Variants in APTX observed in about 807,000 individuals in gnomAD.
APTX encodes forkhead-associated domain histidine triad-like protein.
In APTX, 33 loss-of-function variants were observed where a neutral mutation model predicts 42.3. That is an observed-to-expected ratio of 0.78 (90% CI 0.59 to 1.04). The LOEUF (loss-of-function observed/expected upper bound fraction) is 1.04. Ranked by LOEUF, APTX falls within the 50% of genes least tolerant of loss-of-function variation. APTX has a pLI of 0.00. For synonymous variants in APTX, 130 were observed against 146.7 expected (o/e 0.89, Z 0.82); for missense variants, 421 against 415.1 (o/e 1.01, Z -0.12).
chr9:33,000,639 AAAAAAAAAG>A (rs1436295379), intron 1 of APTX, among the ~76,000 whole-genome samples: 4 of 142,034 alleles, frequency 2.8e-5, no homozygotes, highest in African/African-American at 9.9e-5. Flanking sequence ...AAAAAAAAAA[AAAAAAAAAG>A]AAAAGAAAAG....
chr9:33,001,665 G>T, upstream of APTX: 1 of 1,603,202 alleles, frequency 6.2e-7, no homozygotes, highest in Non-Finnish European at 8.5e-7. Context: ...ATCGCGACCA[G>T]TGACGTCACC....
At position 32,976,177 on chromosome 9, in the gene APTX, A is replaced by G. The variant is rs1480395285; in HGVS notation, c.771-1616T>C. Among the ~76,000 whole-genome samples the G allele has an allele frequency of 9.8e-5, 14 of 142,178 alleles. No homozygotes were observed. In the Admixed American group the frequency reaches 1.0e-3, roughly 10 times the overall value. 93.3% of individuals were successfully genotyped at this position (142,178 alleles called of 152,430 possible). A position where few individuals can be genotyped will look rare whatever the true frequency, so the allele number is the denominator to read the frequency against. Reference sequence around the variant, plus strand: ...CTCACTCATAGGTGGGAACTAAACAATGAGATCACTTGGACACAGGGCAGG... The same window carrying G: ...CTCACTCATAGGTGGGAACTAAACAGTGAGATCACTTGGACACAGGGCAGG... On this transcript the variant is annotated intron_variant, in intron 6 of 7. Coordinates refer to ENST00000379817, the MANE Select transcript of APTX (RefSeq NM_001195248.2).
At chr9:32,990,774 T>C (rs1459045338) in intron 1 of APTX, among the ~76,000 whole-genome samples, 1 of 152,170 alleles carries the variant, frequency 6.6e-6, no homozygotes, top group Non-Finnish European at 1.5e-5. Context: ...GCCAGAGAAC[T>C]AAGGACATAA....
upstream of APTX, among the ~76,000 whole-genome samples, chr9:33,002,506 C>T (rs906343173): frequency 2.0e-5 from 3 of 152,100 alleles, no homozygotes; most frequent in South Asian, 4.1e-4. Context: ...ATTACCTTGG[C>T]CTGTCTCCAG....
chr9:32,998,119 G>A lies in APTX; in HGVS notation c.-5+3448C>T, dbSNP rs1835392238. On this transcript the variant is annotated intron_variant, in intron 1 of 7. Transcript: ENST00000379817. ...GAGTTAAGTCCAGGAAAGACACTGAGTTCAGTTTCAGTCATCTGAATTTGA... is the reference window on the plus strand; with the variant it reads ...GAGTTAAGTCCAGGAAAGACACTGAATTCAGTTTCAGTCATCTGAATTTGA... 2.0e-5 allele frequency among the ~76,000 whole-genome samples: 3 copies of A among 152,188 alleles called. No individual in the cohort carries two copies. In the South Asian group the frequency reaches 6.2e-4, roughly 32 times the overall value.
intron 1 of APTX, chr9:33,019,751 G>A: frequency 1.7e-6 from 1 of 589,342 alleles, no homozygotes; most frequent in Non-Finnish European, 2.9e-6. Flanking sequence ...CACCACCAGA[G>A]AAAGATGGTC....
Position 32,973,322 on chromosome 9 carries a change from A to C in APTX, c.*176T>G, listed in dbSNP as rs1445079164. 2.6e-6 allele frequency: 2 copies of C among 781,946 alleles called. No individual in the cohort carries two copies. The highest frequency in any genetic ancestry group is 4.3e-6 in the Non-Finnish European group (2 of 462,456). The allele number at this position is 781,946 out of a possible 1,614,324, so 48.4% of individuals were successfully genotyped here. A position where few individuals can be genotyped will look rare whatever the true frequency, so the allele number is the denominator to read the frequency against. On this transcript the variant is annotated 3_prime_UTR_variant, in exon 8 of 8. Transcript: ENST00000379817. The stretch of plus-strand genomic sequence containing the variant: ...CATCTATGACAAACCCAAATTCCTA[A>C]TCCTGAAGTACTTTGAGCCACTCTA...
At chr9:32,996,130 CAT>C (rs1834862751) in intron 1 of APTX, among the ~76,000 whole-genome samples, 1 of 152,262 alleles carries the variant, frequency 6.6e-6, no homozygotes, top group Middle Eastern at 3.4e-3. Context: ...ATAGTATAAA[CAT>C]AACTTTTATA....
intron 1 of APTX, among the ~76,000 whole-genome samples, chr9:33,019,422 T>TA (rs1838181960): frequency 6.6e-6 from 1 of 152,172 alleles, no homozygotes; most frequent in Non-Finnish European, 1.5e-5. Context: ...TATACAAACA[T>TA]AAAAAATAGC....
intron 6 of APTX, among the ~76,000 whole-genome samples, chr9:32,975,430 G>A (rs991305614): frequency 5.9e-5 from 9 of 152,050 alleles, no homozygotes; most frequent in Non-Finnish European, 1.3e-4. Flanking sequence ...AACCAGGTGC[G>A]GCGGCTCACG....
At chr9:32,999,906 G>C (rs1835861844) in intron 1 of APTX, among the ~76,000 whole-genome samples, 2 of 152,166 alleles carry the variant, frequency 1.3e-5, no homozygotes, top group South Asian at 4.1e-4. Context: ...CTTGCAGTGA[G>C]CCGAGATCGC....
chr9:32,997,281 T>C (rs994353524), intron 1 of APTX: 4 of 152,138 alleles, frequency 2.6e-5, no homozygotes, highest in Admixed American at 6.6e-5. Context: ...GGTGGAAGGA[T>C]TGCTTGAGCC....
At chr9:33,012,713 T>C (rs1386002620) in intron 1 of APTX, among the ~76,000 whole-genome samples, 1 of 152,310 alleles carries the variant, frequency 6.6e-6, no homozygotes, top group South Asian at 2.1e-4. Context: ...AGAGATGCAC[T>C]ATCCCTGCTA....
At chr9:32,988,970 T>C (rs1236914839) in intron 2 of APTX, among the ~76,000 whole-genome samples, 2 of 152,270 alleles carry the variant, frequency 1.3e-5, no homozygotes, top group African/African-American at 2.4e-5. Context: ...GAACAAGGTA[T>C]CTGGAGTTGA....
At chr9:32,974,906 A>C (rs1829005612) in intron 6 of APTX, among the ~76,000 whole-genome samples, 1 of 152,226 alleles carries the variant, frequency 6.6e-6, no homozygotes, top group Non-Finnish European at 1.5e-5. Flanking sequence ...AAAAACTTAA[A>C]GAATTAACAT....
chr9:33,003,068 C>A (rs1836817644), upstream of APTX, among the ~76,000 whole-genome samples: 2 of 152,224 alleles, frequency 1.3e-5, no homozygotes, highest in South Asian at 4.1e-4. Context: ...AGAGGCAACT[C>A]TGGTGACCTG....
Position 32,984,751 on chromosome 9 carries a change from G to C in APTX, c.650C>G (p.Ala217Gly). The C allele has an allele frequency of 6.2e-7, 1 of 1,614,184 alleles. No individual in the cohort carries two copies. The highest frequency in any genetic ancestry group is 8.5e-7 in the Non-Finnish European group (1 of 1,180,030). ...WTSISSLKAV[A>G]REHLELLKHM... is the part of the protein sequence containing the mutation. ...CTTAAGGAGTTCAAGGTGTTCCCTG[G>C]CCACAGCCTTCAGACTGGAAATGGA... Residue 217 changes from alanine to glycine, a missense_variant, in exon 6 of 8, where the codon GCC becomes GGC. Ala to Gly is a moderately conservative substitution (Grantham distance 60). Coordinates refer to ENST00000379817, the MANE Select transcript of APTX (RefSeq NM_001195248.2).
chr9:33,000,033 A>G lies in APTX; in HGVS notation c.-5+1534T>C, dbSNP rs1331374696. On this transcript the variant is annotated intron_variant, in intron 1 of 7. Transcript: ENST00000379817. ...CTTAATGGACAGTCGAAGAAAAACA[A>G]TATAGAACAGTGGCGAAGATCAAGG... is the stretch of plus-strand genomic sequence containing the variant. 1.1e-4 allele frequency among the ~76,000 whole-genome samples: 17 copies of G among 152,212 alleles called. No individual in the cohort carries two copies. In the East Asian group the frequency reaches 1.9e-3, roughly 17 times the overall value.
At chr9:33,016,035 A>T (rs1224009862) in intron 1 of APTX, 1 of 152,212 alleles carries the variant, frequency 6.6e-6, no homozygotes, top group African/African-American at 2.4e-5. Context: ...TATCAACTGA[A>T]TTTTTTTAAA....
Sources: gnomAD v4.1 joint callset for allele counts (sites outside exome capture counted in the v4.1 genomes callset) on GRCh38, gnomAD v4.1.1 for gene constraint, MANE v1.5 for transcripts, NCBI Gene and HGNC (gene_info 2026-07-23, HGNC 2026-07-21) for gene names.